Variants in RIPK2 observed in about 807,000 individuals in gnomAD.
RIPK2 encodes receptor-interacting serine/threonine-protein kinase 2.
A neutral mutation model predicts 60.9 loss-of-function variants in RIPK2; 38 were observed. That is an observed-to-expected ratio of 0.62 (90% CI 0.48 to 0.82). RIPK2 has a LOEUF of 0.82. Among genes scored for constraint, RIPK2 ranks in the 40% least tolerant of loss-of-function variants. The pLI, the probability that RIPK2 is intolerant of heterozygous loss-of-function variation, is 0.00. For synonymous variants in RIPK2, 225 were observed against 223.4 expected, an observed-to-expected ratio of 1.01 and a Z score of -0.06; for missense variants, 518 against 647.0, an observed-to-expected ratio of 0.80 and a Z score of 2.16.
At chr8:89,763,932 A>G (rs947341288) in intron 2 of RIPK2, among the ~76,000 whole-genome samples, 1 of 152,184 alleles carries the variant, frequency 6.6e-6, no homozygotes, top group Non-Finnish European at 1.5e-5. Flanking sequence ...AAATGAGTAT[A>G]AGTAGAAATC....
chr8:89,769,938 A>C lies in RIPK2; in HGVS notation c.641+9A>C. ...AAGCACGATATATATAGGTAGAGTA[A>C]AGTTGCTTCTGCTCAGATTTAACCT... On this transcript the variant is annotated intron_variant, in intron 4 of 10. Transcript: ENST00000220751. 2 of 1,566,652 alleles carry C rather than the reference A, an allele frequency of 1.3e-6. No individual in the cohort carries two copies. The highest frequency in any genetic ancestry group is 1.7e-6 in the Non-Finnish European group (2 of 1,161,970).
chr8:89,758,614 C>G (rs1384684796), intron 1 of RIPK2, among the ~76,000 whole-genome samples: 5 of 152,030 alleles, frequency 3.3e-5, no homozygotes, highest in Non-Finnish European at 7.4e-5. Context: ...GTTTTGTTTG[C>G]TTTGTTTTTT....
intron 3 of RIPK2, 132 bp from the exon 4 acceptor site, chr8:89,769,640 G>C: frequency 1.7e-6 from 1 of 583,122 alleles, no homozygotes; most frequent in Non-Finnish European, 2.7e-6. Flanking sequence ...GGAATATACA[G>C]AAATAAAATA....
intron 1 of RIPK2, among the ~76,000 whole-genome samples, chr8:89,762,552 A>C (rs1440266959): frequency 6.6e-6 from 1 of 152,182 alleles, no homozygotes; most frequent in Non-Finnish European, 1.5e-5. Context: ...GTTCTTTCCC[A>C]TTCCTGGGAT....
intron 9 of RIPK2, among the ~76,000 whole-genome samples, chr8:89,788,161 C>A (rs543569720): frequency 1.3e-5 from 2 of 148,504 alleles, no homozygotes; most frequent in South Asian, 4.3e-4. Flanking sequence ...GGCCAACATG[C>A]CAAAACCCCA....
intron 4 of RIPK2, among the ~76,000 whole-genome samples, chr8:89,770,503 C>G (rs1809295022): frequency 6.6e-6 from 1 of 151,694 alleles, no homozygotes; most frequent in African/African-American, 2.4e-5. Flanking sequence ...GGTTATTTAA[C>G]CAGAATAAAA....
At chr8:89,758,340 G>A (rs1809085763) in intron 1 of RIPK2, 107 bp downstream of exon 1, 2 of 1,190,870 alleles carry the variant, frequency 1.7e-6, no homozygotes, top group East Asian at 5.3e-5. Flanking sequence ...GCTTGGGGCC[G>A]GCCTCACCTC....
At chr8:89,777,485 T>C (rs758216453) in intron 6 of RIPK2, among the ~76,000 whole-genome samples, 4 of 152,174 alleles carry the variant, frequency 2.6e-5, no homozygotes, top group Middle Eastern at 3.2e-3. Context: ...AATGCATTAT[T>C]TTTCTAGTAA....
In RIPK2 at chr8:89,762,888, T is replaced by A; in HGVS notation, c.233T>A (p.Ile78Asn). 6.5e-7 allele frequency: 1 copy of A among 1,544,134 alleles called. No homozygotes were observed. Among genetic ancestry groups the A allele is most frequent in the Non-Finnish European group, 8.8e-7 (1 of 1,137,810 alleles). The stretch of plus-strand genomic sequence containing the variant: ...TTACACAAAGCTAGATTTAGTTACA[T>A]TCTTCCAATTTTGGGAATTTGCAAT... ...EILHKARFSYILPILGICNEP... is the reference protein window; with the variant it reads ...EILHKARFSYNLPILGICNEP... The change falls in exon 2 of 11, where the codon ATT becomes AAT. Residue 78 changes from isoleucine (I) to asparagine (N), a missense_variant. Coordinates refer to ENST00000220751, the MANE Select transcript of RIPK2 (RefSeq NM_003821.6).
chr8:89,772,878 T>C (rs747089547), intron 6 of RIPK2, 50 bp downstream of exon 6: 1 of 1,248,026 alleles, frequency 8.0e-7, no homozygotes. Flanking sequence ...AATTAGTTAA[T>C]ATACTGTGAA....
At chr8:89,774,379 A>G (rs2130564227) in intron 6 of RIPK2, among the ~76,000 whole-genome samples, 1 of 152,336 alleles carries the variant, frequency 6.6e-6, no homozygotes, top group Non-Finnish European at 1.5e-5. Flanking sequence ...GCTATAATTA[A>G]AGACAGAAAA....
In RIPK2 at chr8:89,769,908, G is replaced by T; in HGVS notation, c.620G>T (p.Ser207Ile). Reference sequence around the variant, plus strand: ...GAACCTGGACAAAAATCAAGGGCCAGTATCAAGCACGATATATATAGGTAG... The same window carrying T: ...GAACCTGGACAAAAATCAAGGGCCATTATCAAGCACGATATATATAGGTAG... The part of the protein sequence containing the change: ...NYEPGQKSRA[S>I]IKHDIYSYAV... Residue 207 changes from serine to isoleucine, a missense_variant, in exon 4 of 11, where the codon AGT becomes ATT. Ser to Ile is a moderately radical substitution (Grantham distance 142). Transcript: ENST00000220751. 1 of 1,605,264 alleles carries T rather than the reference G, an allele frequency of 6.2e-7. No individual in the cohort carries two copies. The highest frequency in any genetic ancestry group is 1.3e-5 in the African/African-American group (1 of 74,272).
At chr8:89,758,412 C>T (rs1809087656) in intron 1 of RIPK2, among the ~76,000 whole-genome samples, 179 bp downstream of exon 1, 1 of 152,186 alleles carries the variant, frequency 6.6e-6, no homozygotes, top group African/African-American at 2.4e-5. Flanking sequence ...CAAGCTCTGG[C>T]ACCGTAGGGA....
chr8:89,765,803 T>C (rs1809218748), intron 3 of RIPK2, among the ~76,000 whole-genome samples: 3 of 151,686 alleles, frequency 2.0e-5, no homozygotes, highest in African/African-American at 7.3e-5. Flanking sequence ...TTATAGGAAG[T>C]TGCAAAGGTA....
At chr8:89,779,181 C>A (rs1288768207) in intron 6 of RIPK2, among the ~76,000 whole-genome samples, 1 of 151,986 alleles carries the variant, frequency 6.6e-6, no homozygotes, top group East Asian at 1.9e-4. Flanking sequence ...TAGATACAAA[C>A]CCTTTAGCAG....
At chr8:89,761,669 G>A (rs1809146763) in intron 1 of RIPK2, among the ~76,000 whole-genome samples, 1 of 151,408 alleles carries the variant, frequency 6.6e-6, no homozygotes, top group African/African-American at 2.4e-5. Flanking sequence ...AAGAGGCAGA[G>A]TAGGGAGGGC....
intron 8 of RIPK2, among the ~76,000 whole-genome samples, chr8:89,786,389 A>G: frequency 6.6e-6 from 1 of 151,914 alleles, no homozygotes; most frequent in East Asian, 1.9e-4. Context: ...TGGGAGGTTC[A>G]CCTGAGTTCA....
chr8:89,761,174 G>A lies in RIPK2; in HGVS notation c.174-1655G>A, dbSNP rs114401156. The stretch of plus-strand genomic sequence containing the variant: ...GTTTTTTTGTTTGTTTTTAAAAGTA[G>A]TCCTCTTAGTCTGGTCTAGAATGTC... On this transcript the variant is annotated intron_variant, in intron 1 of 10. Coordinates refer to ENST00000220751, the MANE Select transcript of RIPK2 (RefSeq NM_003821.6). Among the ~76,000 whole-genome samples the A allele has an allele frequency of 3.3e-3, 505 of 152,154 alleles. 5 individuals carry two copies. Among genetic ancestry groups the A allele is most frequent in the African/African-American group, 0.012 (484 of 41,518 alleles).
rs751375480 is a variant in RIPK2 at position 89,789,354 on chromosome 8, A to G, written c.1157A>G (p.His386Arg). ...KAQDCYFMKL[H>R]HCPGNHSWDS... Reference sequence around the variant, plus strand: ...CAAGACTGTTATTTTATGAAGCTGCATCACTGTCCTGGAAATCACAGTTGG... The same window carrying G: ...CAAGACTGTTATTTTATGAAGCTGCGTCACTGTCCTGGAAATCACAGTTGG... Residue 386 changes from histidine (H) to arginine (R), a missense_variant, in exon 10 of 11, where the codon CAT (histidine) becomes CGT (arginine). This residue lies in a region of RIPK2 where 448 missense variants were observed against 534.7 expected (regional missense o/e 0.84). Transcript: ENST00000220751. 2 of 1,614,078 alleles carry G rather than the reference A, an allele frequency of 1.2e-6. No homozygotes were observed. The highest frequency in any genetic ancestry group is 1.7e-6 in the Non-Finnish European group (2 of 1,179,952).
Sources: allele counts gnomAD v4.1 joint callset (sites outside exome capture counted in the v4.1 genomes callset), GRCh38; gene constraint gnomAD v4.1.1; regional missense constraint gnomAD v4.1.1; transcripts MANE v1.5; gene names NCBI Gene and HGNC (gene_info 2026-07-23, HGNC 2026-07-21).